Variants in FKBP8 observed in about 807,000 individuals in gnomAD.
FKBP8 encodes the protein peptidyl-prolyl cis-trans isomerase FKBP8.
A neutral mutation model predicts 41.7 loss-of-function variants in FKBP8; 5 were observed. The observed-to-expected ratio is 0.12, with a 90% CI of 0.06 to 0.25. The LOEUF is 0.25. Among genes scored for constraint, FKBP8 ranks in the 10% least tolerant of loss-of-function variants. FKBP8 has a pLI of 1.00. For missense variants in FKBP8, 397 were observed against 563.0 expected (o/e 0.71, Z 2.98); for synonymous variants, 279 against 254.5 (o/e 1.10, Z -0.92).
rs560744669 is a variant in FKBP8, at chr19:18,539,785, G to C, written c.293-65C>G. ...CTCAAACAGGCACCCGCTCCCCTGAGCCCCCACTCCTACCCTCAGCTCTGC... is the reference window on the plus strand; with the variant it reads ...CTCAAACAGGCACCCGCTCCCCTGACCCCCCACTCCTACCCTCAGCTCTGC... On this transcript the variant is annotated intron_variant, in intron 2 of 8. Transcript: ENST00000608443. The C allele has an allele frequency of 3.7e-5, 58 of 1,564,582 alleles. No homozygotes were observed. The African/African-American group carries it at 7.4e-4, about 20-fold the overall frequency.
Position 18,537,851 on chromosome 19 carries a change from T to G in FKBP8, c.773-78A>C, listed in dbSNP as rs891959720. On this transcript the variant is annotated intron_variant, in intron 5 of 8. Transcript: ENST00000608443. This position sits in a 1 kb window ranked among gnomAD's most constrained non-coding sequence, Gnocchi z 4.4. ...CCGGCACCCACCCCTCTGCGGAGGC[T>G]GCCTCTCTGGCCTCAGTTTCCCCAA... 4.1e-6 allele frequency: 6 copies of G among 1,462,296 alleles called. No homozygotes were observed. In the African/African-American group the frequency reaches 4.2e-5, roughly 10 times the overall value. 90.6% of individuals were successfully genotyped at this position (1,462,296 alleles called of 1,614,324 possible).
rs1358763379 is a variant in FKBP8 at position 18,538,739 on chromosome 19, G to A, written c.552-303C>T. Among the ~76,000 whole-genome samples the A allele has an allele frequency of 1.3e-5, 2 of 150,796 alleles. No homozygotes were observed. On this transcript the variant is annotated intron_variant, in intron 4 of 8. Transcript: ENST00000608443. The surrounding 1 kb of genome is among the most constrained non-coding windows in gnomAD (Gnocchi z 4.0). ...CTTGGCTCACTGCAGCCTCAAAAACGTGGGCTCAAGTGATCCTCCTGCCTG... is the reference window on the plus strand; with the variant it reads ...CTTGGCTCACTGCAGCCTCAAAAACATGGGCTCAAGTGATCCTCCTGCCTG...
Position 18,538,316 on chromosome 19 carries a change from C to T in FKBP8, c.672G>A (p.Arg224=). The T allele has an allele frequency of 1.2e-6, 2 of 1,613,634 alleles. No homozygotes were observed. Among genetic ancestry groups the T allele is most frequent in the Non-Finnish European group, 1.7e-6 (2 of 1,179,914 alleles). Residue 224 remains arginine, a synonymous_variant, in exon 5 of 9, where the codon CGG becomes CGA. Transcript: ENST00000608443. The surrounding 1 kb of genome is among the most constrained non-coding windows in gnomAD (Gnocchi z 4.0). ...TGQERVALAN[R]KRECGNAHYQ... is the part of the protein sequence containing the mutation. ...AGTGGGCGTTGCCGCACTCCCGCTTCCGGTTGGCCAGGGCCACGCGCTCCT... is the reference window on the plus strand; with the variant it reads ...AGTGGGCGTTGCCGCACTCCCGCTTTCGGTTGGCCAGGGCCACGCGCTCCT...
Position 18,539,355 on chromosome 19 carries a change from G to A in FKBP8, c.551+16C>T, listed in dbSNP as rs201904385. 1 of 1,607,704 alleles carries A rather than the reference G, an allele frequency of 6.2e-7. No homozygotes were observed. The highest frequency in any genetic ancestry group is 8.5e-7 in the Non-Finnish European group (1 of 1,176,726). The stretch of plus-strand genomic sequence containing the variant: ...CTCCTGAGACCTGCAGAGACCTAAG[G>A]GTGGCTGACTCTCACCTGCCTTGGG... On this transcript the variant is annotated intron_variant, in intron 4 of 8. Transcript: ENST00000608443.
intron 6 of FKBP8, among the ~76,000 whole-genome samples, chr19:18,535,110 A>G (rs1025414298): frequency 2.0e-5 from 3 of 152,024 alleles, no homozygotes; most frequent in African/African-American, 7.2e-5. Flanking sequence ...TTTATTTTAG[A>G]GACAGGGCCA....
intron 2 of FKBP8, 72 bp from the exon 3 acceptor site, chr19:18,539,792 C>T (rs1976659771): frequency 1.3e-6 from 2 of 1,546,246 alleles, no homozygotes; most frequent in Non-Finnish European, 1.8e-6. Flanking sequence ...TGAGCCCCCA[C>T]TCCTACCCTC....
Position 18,532,015 on chromosome 19 carries a change from C to A in FKBP8, c.*154G>T. 1.5e-6 allele frequency: 1 copy of A among 673,154 alleles called. No homozygotes were observed. The highest frequency in any genetic ancestry group is 2.5e-5 in the Admixed American group (1 of 39,784). The allele number at this position is 673,154 out of a possible 1,614,324, so 41.7% of individuals were successfully genotyped here. A position where few individuals can be genotyped will look rare whatever the true frequency, so the allele number is the denominator to read the frequency against. On this transcript the variant is annotated 3_prime_UTR_variant, in exon 9 of 9. Coordinates refer to ENST00000608443, the MANE Select transcript of FKBP8 (RefSeq NM_012181.5). ...TTCCTCCTAGAGGGCCTCAGTCCCT[C>A]CTGCTGGCTGGGCTGCACGACCCCC...
Position 18,539,241 on chromosome 19 carries a change from G to A in FKBP8, c.551+130C>T, listed in dbSNP as rs543377598. 16 of 823,256 alleles carry A rather than the reference G, an allele frequency of 1.9e-5. No individual in the cohort carries two copies. In the East Asian group the frequency reaches 2.2e-4, roughly 11 times the overall value. The allele number at this position is 823,256 out of a possible 1,614,324, so 51.0% of individuals were successfully genotyped here. ...CCCAAAGTGCTGGGATTTCAGGTGTGAGCCACCTCACCCAGCCTCAGTTTC... is the reference window on the plus strand; with the variant it reads ...CCCAAAGTGCTGGGATTTCAGGTGTAAGCCACCTCACCCAGCCTCAGTTTC... On this transcript the variant is annotated intron_variant, in intron 4 of 8. Coordinates refer to ENST00000608443, the MANE Select transcript of FKBP8 (RefSeq NM_012181.5).
chr19:18,533,389 G>A, intron 6 of FKBP8, 42 bp from the exon 7 acceptor site: 1 of 1,517,014 alleles, frequency 6.6e-7, no homozygotes, highest in Admixed American at 2.0e-5. Context: ...ACCCATACCT[G>A]GGCCTGTCCT....
At chr19:18,532,907 G>A (rs1976482146) in intron 7 of FKBP8, 112 bp from the exon 8 acceptor site, 1 of 1,491,112 alleles carries the variant, frequency 6.7e-7, no homozygotes, top group Non-Finnish European at 9.0e-7. Flanking sequence ...GGGACACAGG[G>A]GTCCCATCTG....
chr19:18,534,355 T>C (rs887774500), intron 6 of FKBP8, among the ~76,000 whole-genome samples: 1 of 152,138 alleles, frequency 6.6e-6, no homozygotes, highest in Non-Finnish European at 1.5e-5. Context: ...TGGCTACTCA[T>C]ACAAGTGCCA....
intron 1 of FKBP8, chr19:18,543,019 G>A (rs1206253106): frequency 3.3e-6 from 2 of 606,706 alleles, no homozygotes; most frequent in Admixed American, 8.2e-5. Flanking sequence ...CCCCCAGCAC[G>A]GGCCAGCTCC....
chr19:18,541,978 G>C lies in FKBP8; in HGVS notation c.-8C>G, dbSNP rs775982766. 9 of 1,611,230 alleles carry C rather than the reference G, an allele frequency of 5.6e-6. No homozygotes were observed. The highest frequency in any genetic ancestry group is 2.2e-5 in the East Asian group (1 of 44,802). ...TTCAGCACACGATGCCATGCTGCTGGGGGGACAGGAATTGGCCCTGGAAGT... is the reference window on the plus strand; with the variant it reads ...TTCAGCACACGATGCCATGCTGCTGCGGGGACAGGAATTGGCCCTGGAAGT... On this transcript the variant is annotated 5_prime_UTR_variant, in exon 2 of 9. Transcript: ENST00000608443.
rs986747712 is a variant in FKBP8 at position 18,533,423 on chromosome 19, T to G, written c.946-76A>C. On this transcript the variant is annotated intron_variant, in intron 6 of 8. Coordinates refer to ENST00000608443, the MANE Select transcript of FKBP8 (RefSeq NM_012181.5). ...CTTCAAGAAATCCAGCCCAGGAGGTTGCAGTGAGCCAAGATGGTGTCACTG... is the reference window on the plus strand; with the variant it reads ...CTTCAAGAAATCCAGCCCAGGAGGTGGCAGTGAGCCAAGATGGTGTCACTG... 3.4e-6 allele frequency: 4 copies of G among 1,191,050 alleles called. No homozygotes were observed. The African/African-American group carries it at 6.0e-5, about 18-fold the overall frequency. The allele number at this position is 1,191,050 out of a possible 1,614,324, so 73.8% of individuals were successfully genotyped here.
Position 18,539,720 on chromosome 19 carries a change from C to T in FKBP8, c.293G>A (p.Gly98Glu), listed in dbSNP as rs1976657763. 6.2e-7 allele frequency: 1 copy of T among 1,606,342 alleles called. No homozygotes were observed. Among genetic ancestry groups the T allele is most frequent in the South Asian group, 1.1e-5 (1 of 91,086 alleles). The stretch of plus-strand genomic sequence containing the variant: ...CGTCTTCTTCCTCAACAGCCCGTTC[C>T]CTGCCAGGGTCCAGGGACATGCAGC... ...PAPEEWLDIL[G>E]NGLLRKKTLV... Residue 98 changes from glycine (G) to glutamate (E), a missense_variant and splice_region_variant, in exon 3 of 9, where the codon GGG becomes GAG. Coordinates refer to ENST00000608443, the MANE Select transcript of FKBP8 (RefSeq NM_012181.5).
chr19:18,532,081 G>A lies in FKBP8; in HGVS notation c.*88C>T. The A allele has an allele frequency of 1.7e-6, 2 of 1,181,316 alleles. No homozygotes were observed. The highest frequency in any genetic ancestry group is 2.7e-4 in the Middle Eastern group (1 of 3,710). The allele number at this position is 1,181,316 out of a possible 1,614,324, so 73.2% of individuals were successfully genotyped here. On this transcript the variant is annotated 3_prime_UTR_variant, in exon 9 of 9. Transcript: ENST00000608443. The stretch of plus-strand genomic sequence containing the variant: ...AACCCGGAGGAGGGGGCCAGACCAG[G>A]GAGGGCAGTGGACAGGGAGCCTGGG...
chr19:18,532,622 T>C, intron 8 of FKBP8, 42 bp downstream of exon 8: 1 of 1,605,518 alleles, frequency 6.2e-7, no homozygotes, highest in Non-Finnish European at 8.5e-7. Flanking sequence ...CTGCTAGGCG[T>C]GCCCTGCACA....
At chr19:18,541,239 C>T (rs1033996067) in intron 2 of FKBP8, among the ~76,000 whole-genome samples, 1 of 152,192 alleles carries the variant, frequency 6.6e-6, no homozygotes, top group African/African-American at 2.4e-5. Context: ...AACAAAATAA[C>T]ATTCCTCTGA....
At position 18,532,100 on chromosome 19, in the gene FKBP8, G is replaced by T; in HGVS notation, c.*69C>A. 1.5e-6 allele frequency: 2 copies of T among 1,363,578 alleles called. No individual in the cohort carries two copies. The highest frequency in any genetic ancestry group is 2.0e-6 in the Non-Finnish European group (2 of 977,114). 84.5% of individuals were successfully genotyped at this position (1,363,578 alleles called of 1,614,324 possible). A position where few individuals can be genotyped will look rare whatever the true frequency, so the allele number is the denominator to read the frequency against. Reference sequence around the variant, plus strand: ...GACCAGGGAGGGCAGTGGACAGGGAGCCTGGGGGAGTTGGGGAGCGCAGGG... The same window carrying T: ...GACCAGGGAGGGCAGTGGACAGGGATCCTGGGGGAGTTGGGGAGCGCAGGG... On this transcript the variant is annotated 3_prime_UTR_variant, in exon 9 of 9. Coordinates refer to ENST00000608443, the MANE Select transcript of FKBP8 (RefSeq NM_012181.5).
Sources: gnomAD v4.1 joint callset for allele counts (sites outside exome capture counted in the v4.1 genomes callset) on GRCh38, gnomAD v4.1.1 for gene constraint, Gnocchi (gnomAD v3.1) non-coding constraint, MANE v1.5 for transcripts, NCBI Gene and HGNC (gene_info 2026-07-23, HGNC 2026-07-21) for gene names.